OOSP4B: variants seen among roughly 807,000 people sequenced by gnomAD.
OOSP4B encodes oocyte secreted protein family member 4B.
chr11:60,026,379 C>T (rs1854746458), intron 3 of OOSP4B, among the ~76,000 whole-genome samples: 1 of 152,194 alleles, frequency 6.6e-6, no homozygotes, highest in African/African-American at 2.4e-5. Flanking sequence ...GTACCATTAA[C>T]TGAAATGAAA....
At chr11:60,026,335 T>G (rs1270466902) in intron 3 of OOSP4B, among the ~76,000 whole-genome samples, 1 of 152,226 alleles carries the variant, frequency 6.6e-6, no homozygotes, top group Non-Finnish European at 1.5e-5. Context: ...AGGTCAAGAT[T>G]CTTCCCTCTC....
intron 3 of OOSP4B, among the ~76,000 whole-genome samples, chr11:60,027,083 G>A (rs559372647): frequency 1.3e-5 from 2 of 152,112 alleles, no homozygotes; most frequent in South Asian, 4.2e-4. Flanking sequence ...AGATACTATT[G>A]ACCCTGCTAT....
At chr11:60,029,854 A>G (rs1451785304) in exon 4 of OOSP4B, 1 of 398,414 alleles carries the variant, frequency 2.5e-6, no homozygotes, top group Non-Finnish European at 4.4e-6. Flanking sequence ...AAATCCCTCA[A>G]AAAACAAAAG....
At chr11:60,029,721 C>A in intron 3 of OOSP4B, 61 bp from the exon 4 acceptor site, 1 of 397,522 alleles carries the variant, frequency 2.5e-6, no homozygotes, top group South Asian at 1.3e-4. Flanking sequence ...ACATATTTTT[C>A]CCACAAAAAA....
chr11:60,020,960 A>G (rs1404307811), intron 1 of OOSP4B, among the ~76,000 whole-genome samples: 1 of 152,186 alleles, frequency 6.6e-6, no homozygotes, highest in East Asian at 1.9e-4. Context: ...TCTATTTTTT[A>G]TGGCATTTTT....
intron 1 of OOSP4B, among the ~76,000 whole-genome samples, chr11:60,020,207 C>A (rs1419001355): frequency 2.0e-5 from 3 of 152,250 alleles, no homozygotes; most frequent in Non-Finnish European, 4.4e-5. Context: ...CAGTGGATCC[C>A]ATACCGGGGC....
intron 1 of OOSP4B, among the ~76,000 whole-genome samples, chr11:60,020,771 C>T (rs1854683442): frequency 6.6e-6 from 1 of 152,222 alleles, no homozygotes; most frequent in Admixed American, 6.5e-5. Flanking sequence ...AGCACGCTGT[C>T]ACCTCTCACA....
intron 1 of OOSP4B, among the ~76,000 whole-genome samples, chr11:60,020,294 A>C (rs1052312933): frequency 2.6e-5 from 4 of 152,078 alleles, no homozygotes; most frequent in Non-Finnish European, 4.4e-5. Context: ...GGGACTGGGC[A>C]CCCTGGAGCA....
chr11:60,029,113 G>C (rs1380991066), intron 3 of OOSP4B, among the ~76,000 whole-genome samples: 1 of 152,162 alleles, frequency 6.6e-6, no homozygotes, highest in Non-Finnish European at 1.5e-5. Context: ...AATTCAACAA[G>C]AGATATAGAA....
At chr11:60,018,818 G>A (rs1474762649) in intron 1 of OOSP4B, among the ~76,000 whole-genome samples, 1 of 152,110 alleles carries the variant, frequency 6.6e-6, no homozygotes, top group Non-Finnish European at 1.5e-5. Context: ...CATTCCCTGA[G>A]ACCAAAATTA....
intron 1 of OOSP4B, among the ~76,000 whole-genome samples, chr11:60,018,976 G>A (rs1854654689): frequency 6.6e-6 from 1 of 152,150 alleles, no homozygotes; most frequent in Non-Finnish European, 1.5e-5. Flanking sequence ...CAGCACTATG[G>A]GAAGCCGAGG....
intron 3 of OOSP4B, among the ~76,000 whole-genome samples, chr11:60,025,632 A>G (rs1227630770): frequency 6.6e-6 from 1 of 152,198 alleles, no homozygotes; most frequent in Non-Finnish European, 1.5e-5. Flanking sequence ...GCCGAGTGGT[A>G]TATTTCATTA....
Position 60,017,201 on chromosome 11 carries a change from C to T in OOSP4B, c.-191C>T. 2.5e-6 allele frequency: 1 copy of T among 395,060 alleles called. No individual in the cohort carries two copies. Among genetic ancestry groups the T allele is most frequent in the Non-Finnish European group, 4.5e-6 (1 of 224,468 alleles). 24.5% of individuals were successfully genotyped at this position (395,060 alleles called of 1,614,324 possible). On this transcript the variant is annotated 5_prime_UTR_variant, in exon 1 of 5. It introduces an in-frame stop codon into an upstream open reading frame of the 5' UTR. Coordinates refer to ENST00000642343, the Ensembl canonical transcript of OOSP4B. ...ACAAGCTCCCAGGTTGCCTATGGCA[C>T]AGGTGAAGTGTTGCAGCTACTGCCA...
intron 1 of OOSP4B, among the ~76,000 whole-genome samples, chr11:60,023,258 C>T (rs1287556278): frequency 3.3e-5 from 5 of 152,176 alleles, no homozygotes; most frequent in Non-Finnish European, 7.3e-5. Flanking sequence ...CTTTTGAGCA[C>T]ATGAAGTGTG....
At chr11:60,024,783 T>A (rs1398507664) in intron 2 of OOSP4B, 125 bp from the exon 3 acceptor site, 14 of 393,798 alleles carry the variant, frequency 3.6e-5, no homozygotes, top group Non-Finnish European at 5.4e-5. Flanking sequence ...AGGTCTACTA[T>A]TTTATATCTG....
At chr11:60,030,219 A>G (rs1854793145) in intron 4 of OOSP4B, among the ~76,000 whole-genome samples, 3 of 152,194 alleles carry the variant, frequency 2.0e-5, no homozygotes, top group African/African-American at 2.4e-5. Flanking sequence ...AATTGTTGTC[A>G]TAGAAGGCCC....
intron 1 of OOSP4B, among the ~76,000 whole-genome samples, chr11:60,020,559 C>A (rs1356245368): frequency 6.6e-6 from 1 of 152,222 alleles, no homozygotes; most frequent in Non-Finnish European, 1.5e-5. Flanking sequence ...CGCTGGCCTG[C>A]AAGCACAGCG....
chr11:60,030,250 T>C (rs550998247), intron 4 of OOSP4B, among the ~76,000 whole-genome samples: 5 of 152,262 alleles, frequency 3.3e-5, no homozygotes, highest in African/African-American at 1.2e-4. Context: ...TCTAATTTCA[T>C]ACTAATATTT....
At chr11:60,023,298 A>G (rs965691405) in intron 1 of OOSP4B, among the ~76,000 whole-genome samples, 1 of 152,242 alleles carries the variant, frequency 6.6e-6, no homozygotes, top group Non-Finnish European at 1.5e-5. Flanking sequence ...CAAATACAAA[A>G]CACACATCAG....
Sources: allele counts gnomAD v4.1 joint callset (sites outside exome capture counted in the v4.1 genomes callset), GRCh38; gene constraint gnomAD v4.1.1; transcripts MANE v1.5; gene names NCBI Gene and HGNC (gene_info 2026-07-23, HGNC 2026-07-21).